Variants in OTOGL observed in about 807,000 individuals in gnomAD.
The protein encoded by OTOGL is otogelin like, also known as otogelin-like protein.
OTOGL carries 285 observed loss-of-function variants against 318.5 expected under a neutral mutation model. The ratio of observed to expected loss-of-function variants is 0.89; its 90% CI spans 0.81 to 0.99. OTOGL has a LOEUF of 0.99. Among genes scored for constraint, OTOGL ranks in the 50% least tolerant of loss-of-function variants. The pLI, the probability that OTOGL is intolerant of heterozygous loss-of-function variation, is 0.00. For missense variants in OTOGL, 2,899 were observed against 2,845.6 expected, an observed-to-expected ratio of 1.02 and a Z score of -0.43; for synonymous variants, 987 against 936.5, an observed-to-expected ratio of 1.05 and a Z score of -0.99.
intron 27 of OTOGL, among the ~76,000 whole-genome samples, chr12:80,298,953 A>G (rs1885586388): frequency 6.6e-6 from 1 of 152,184 alleles, no homozygotes; most frequent in Non-Finnish European, 1.5e-5. Flanking sequence ...ACTGACCTAT[A>G]TTCTGAGATT....
intron 1 of OTOGL, among the ~76,000 whole-genome samples, chr12:80,114,004 T>A (rs1320180776): frequency 6.6e-6 from 1 of 152,172 alleles, no homozygotes; most frequent in Non-Finnish European, 1.5e-5. Context: ...AGCCTATGTG[T>A]GTCTTTGCAC....
intron 17 of OTOGL, among the ~76,000 whole-genome samples, chr12:80,257,314 T>G (rs1882143238): frequency 1.3e-5 from 2 of 151,558 alleles, no homozygotes; most frequent in Admixed American, 1.3e-4. Context: ...GAAGTTTTTT[T>G]TTTTTTGGTA....
At chr12:80,336,311 C>T in intron 39 of OTOGL, 102 bp from the exon 40 acceptor site, 5 of 1,353,480 alleles carry the variant, frequency 3.7e-6, no homozygotes, top group Non-Finnish European at 4.9e-6. Flanking sequence ...TGCTTCTTGT[C>T]AGACATAATA....
At chr12:80,354,458 C>T (rs975730682) in intron 46 of OTOGL, among the ~76,000 whole-genome samples, 2 of 152,120 alleles carry the variant, frequency 1.3e-5, no homozygotes, top group Admixed American at 1.3e-4. Flanking sequence ...AGGAACACAT[C>T]TAGTATTTGT....
chr12:80,151,239 T>G (rs1004952313), intron 1 of OTOGL, among the ~76,000 whole-genome samples: 3 of 152,060 alleles, frequency 2.0e-5, no homozygotes, highest in Non-Finnish European at 4.4e-5. Flanking sequence ...TAATAAGATT[T>G]AGGATAGGAA....
At chr12:80,177,399 C>CT (rs892820527) in intron 1 of OTOGL, among the ~76,000 whole-genome samples, 5 of 152,112 alleles carry the variant, frequency 3.3e-5, no homozygotes, top group African/African-American at 4.8e-5. Context: ...GCCTCAGCAC[C>CT]TTTTTTGAAA....
intron 55 of OTOGL, among the ~76,000 whole-genome samples, chr12:80,370,202 A>G (rs1890790476): frequency 6.6e-6 from 1 of 152,022 alleles, no homozygotes; most frequent in Non-Finnish European, 1.5e-5. Flanking sequence ...GTGAGGAAAT[A>G]TTAGAGCAAG....
intron 52 of OTOGL, among the ~76,000 whole-genome samples, chr12:80,362,335 CTA>C: frequency 1.3e-5 from 2 of 152,180 alleles, no homozygotes; most frequent in Middle Eastern, 6.8e-3. Context: ...TTTTATTGGT[CTA>C]TGTGTCTGTT....
At chr12:80,335,693 T>G (rs972553539) in intron 38 of OTOGL, among the ~76,000 whole-genome samples, 5 of 152,118 alleles carry the variant, frequency 3.3e-5, no homozygotes, top group South Asian at 4.1e-4. Context: ...ACTAGGGAAT[T>G]CAGGAGAACA....
At chr12:80,172,853 C>T (rs1437086534) in intron 1 of OTOGL, among the ~76,000 whole-genome samples, 1 of 152,112 alleles carries the variant, frequency 6.6e-6, no homozygotes, top group East Asian at 1.9e-4. Flanking sequence ...CCAAACACTG[C>T]ATGTTCTCAC....
chr12:80,367,250 T>G (rs1232895572), intron 53 of OTOGL, among the ~76,000 whole-genome samples: 1 of 151,820 alleles, frequency 6.6e-6, no homozygotes, highest in South Asian at 2.1e-4. Context: ...ACTGGGATTA[T>G]AGGCATGAGC....
At position 80,310,619 on chromosome 12, in the gene OTOGL, T is replaced by A. The variant is rs1886567398; in HGVS notation, c.3342T>A (p.Ser1114Arg). 6.3e-7 allele frequency: 1 copy of A among 1,585,458 alleles called. No homozygotes were observed. Among genetic ancestry groups the A allele is most frequent in the Non-Finnish European group, 8.6e-7 (1 of 1,167,956 alleles). ...TTAAATTTTTTCAACAGTGTGAAAG[T>A]CCAGATGAAACAATTAAACCCTGTG... ...GDSWALGQCE[S>R]PDETIKPCEA... Residue 1114 changes from serine (S) to arginine (R), a missense_variant, in exon 30 of 59, where the codon AGT (serine) becomes AGA (arginine). Ser to Arg is a moderately radical substitution (Grantham distance 110). Transcript: ENST00000547103.
At chr12:80,148,954 T>C (rs941042876) in intron 1 of OTOGL, among the ~76,000 whole-genome samples, 2 of 152,168 alleles carry the variant, frequency 1.3e-5, no homozygotes, top group Non-Finnish European at 2.9e-5. Context: ...TATACATTAT[T>C]CTAATTTTTT....
At chr12:80,307,517 C>T (rs551114722) in intron 29 of OTOGL, among the ~76,000 whole-genome samples, 51 of 147,172 alleles carry the variant, frequency 3.5e-4, no homozygotes, top group Admixed American at 1.3e-3. Context: ...GGCGGCCGGG[C>T]GGAGGCGCCC....
intron 1 of OTOGL, among the ~76,000 whole-genome samples, chr12:80,110,342 C>T (rs570630696): frequency 1.3e-5 from 2 of 152,204 alleles, no homozygotes; most frequent in African/African-American, 2.4e-5. Context: ...GCTGGGATTA[C>T]GGGTGTCAGC....
intron 7 of OTOGL, among the ~76,000 whole-genome samples, chr12:80,226,946 A>C (rs892646860): frequency 6.6e-6 from 1 of 152,180 alleles, no homozygotes; most frequent in African/African-American, 2.4e-5. Flanking sequence ...ATTTCTGATC[A>C]TTTTACATAT....
rs113747516 is a variant in OTOGL at position 80,234,509 on chromosome 12, A to T, written c.817+1412A>T. Among the ~76,000 whole-genome samples the T allele has an allele frequency of 7.1e-3, 1,081 of 152,338 alleles. 17 individuals are homozygous for T. The highest frequency in any genetic ancestry group is 0.025 in the African/African-American group (1,032 of 41,576). The stretch of plus-strand genomic sequence containing the variant: ...GTGTGATTCAAATTCAGCTTTATCA[A>T]TTATTAAATTTTATAAGTTTAAAGA... On this transcript the variant is annotated intron_variant, in intron 9 of 58. Coordinates refer to ENST00000547103, the MANE Select transcript of OTOGL (RefSeq NM_001378609.3).
At chr12:80,116,699 C>T (rs541489178) in intron 1 of OTOGL, among the ~76,000 whole-genome samples, 15 of 152,150 alleles carry the variant, frequency 9.9e-5, no homozygotes, top group Middle Eastern at 3.4e-3. Flanking sequence ...GAGAATGAGA[C>T]GAGGAAGAAA....
chr12:80,265,314 T>C (rs1882869319), intron 20 of OTOGL, 104 bp downstream of exon 20: 1 of 1,128,394 alleles, frequency 8.9e-7, no homozygotes, highest in Non-Finnish European at 1.3e-6. Context: ...ATATTGCATG[T>C]AAGTTATTTG....
Sources: gnomAD v4.1 joint callset for allele counts (sites outside exome capture counted in the v4.1 genomes callset) on GRCh38, gnomAD v4.1.1 for gene constraint, MANE v1.5 for transcripts, NCBI Gene and HGNC (gene_info 2026-07-23, HGNC 2026-07-21) for gene names.